ATP8A2: variants seen among roughly 807,000 people sequenced by gnomAD.
ATP8A2 encodes phospholipid-transporting ATPase IB.
A neutral mutation model predicts 165.6 loss-of-function variants in ATP8A2; 100 were observed. That is an observed-to-expected ratio of 0.60 (90% confidence interval 0.51 to 0.71). The LOEUF (loss-of-function observed/expected upper bound fraction) is 0.71. ATP8A2 is among the 30% of genes least tolerant of loss of function. The pLI is 0.00. For synonymous variants in ATP8A2, 543 were observed against 548.8 expected (o/e 0.99, Z 0.15); for missense variants, 1,227 against 1,479.5 (o/e 0.83, Z 2.80).
At position 26,015,276 on chromosome 13, in the gene ATP8A2, G is replaced by A. The variant is rs534726676; in HGVS notation, c.3469+2654G>A. 3.9e-5 allele frequency among the ~76,000 whole-genome samples: 6 copies of A among 152,176 alleles called. No individual in the cohort carries two copies. In the South Asian group the frequency reaches 1.2e-3, roughly 32 times the overall value. ...CACTAACAGCCAGAGAAGATCGTCGGGTGGTCAGAGCTGGTCCTGGGGTGC... is the reference window on the plus strand; with the variant it reads ...CACTAACAGCCAGAGAAGATCGTCGAGTGGTCAGAGCTGGTCCTGGGGTGC... On this transcript the variant is annotated intron_variant, in intron 36 of 36. Coordinates refer to ENST00000381655, the MANE Select transcript of ATP8A2 (RefSeq NM_016529.6).
intron 27 of ATP8A2, among the ~76,000 whole-genome samples, chr13:25,783,656 A>T (rs1403561396): frequency 6.6e-6 from 1 of 152,114 alleles, no homozygotes; most frequent in African/African-American, 2.4e-5. Context: ...GACCTGAAGG[A>T]TGAGTAGCAG....
At chr13:25,533,236 C>T in intron 5 of ATP8A2, 37 bp from the exon 6 acceptor site, 1 of 1,102,554 alleles carries the variant, frequency 9.1e-7, no homozygotes, top group Non-Finnish European at 1.4e-6. Context: ...CAATTTAACA[C>T]CAGTATTAAC....
chr13:25,664,716 C>T (rs1053442151), intron 24 of ATP8A2, among the ~76,000 whole-genome samples: 1 of 152,150 alleles, frequency 6.6e-6, no homozygotes, highest in African/African-American at 2.4e-5. Flanking sequence ...CAGAGAGAAG[C>T]AGAGGTATCA....
chr13:25,522,338 T>G (rs1370339185), intron 2 of ATP8A2, among the ~76,000 whole-genome samples: 1 of 152,170 alleles, frequency 6.6e-6, no homozygotes, highest in African/African-American at 2.4e-5. Flanking sequence ...CAACTTACAA[T>G]CATGTCCTTT....
intron 27 of ATP8A2, among the ~76,000 whole-genome samples, chr13:25,812,160 G>T (rs1950891372): frequency 6.6e-6 from 1 of 151,628 alleles, no homozygotes; most frequent in East Asian, 2.0e-4. Flanking sequence ...TCAGGTTTCA[G>T]TTTTCTCTGT....
chr13:25,986,784 C>T (rs960724023), intron 35 of ATP8A2, among the ~76,000 whole-genome samples: 1 of 152,132 alleles, frequency 6.6e-6, no homozygotes, highest in Admixed American at 6.5e-5. Flanking sequence ...GAGGAACCTC[C>T]ATACTGTTTT....
At chr13:25,627,197 C>T (rs114699387) in intron 24 of ATP8A2, among the ~76,000 whole-genome samples, 232 of 152,108 alleles carry the variant, frequency 1.5e-3, no homozygotes, top group African/African-American at 5.5e-3. Context: ...AATGCAAATC[C>T]GCCAAGGTGG....
chr13:26,017,517 G>A (rs541477591), intron 36 of ATP8A2, among the ~76,000 whole-genome samples: 6 of 152,322 alleles, frequency 3.9e-5, no homozygotes, highest in African/African-American at 1.4e-4. Context: ...TGTGCCACAC[G>A]GTGCCAGAGG....
chr13:25,502,786 A>G (rs1440446059), intron 2 of ATP8A2, among the ~76,000 whole-genome samples: 1 of 152,170 alleles, frequency 6.6e-6, no homozygotes, highest in African/African-American at 2.4e-5. Flanking sequence ...GCACGATGTC[A>G]TGGCCTGTGT....
At chr13:25,451,153 G>C (rs1442550687) in intron 1 of ATP8A2, among the ~76,000 whole-genome samples, 1 of 152,064 alleles carries the variant, frequency 6.6e-6, no homozygotes, top group Non-Finnish European at 1.5e-5. Flanking sequence ...TTCTTCTGGT[G>C]CTTCTTTTTG....
chr13:25,858,226 AC>A (rs1186612822), intron 30 of ATP8A2, among the ~76,000 whole-genome samples: 1 of 152,212 alleles, frequency 6.6e-6, no homozygotes, highest in African/African-American at 2.4e-5. Flanking sequence ...ATTTTGAGTA[AC>A]TATTTGCTAA....
intron 25 of ATP8A2, among the ~76,000 whole-genome samples, chr13:25,755,187 G>A (rs190353036): frequency 2.6e-5 from 4 of 152,290 alleles, no homozygotes; most frequent in Admixed American, 2.6e-4. Context: ...GTCAGGATGA[G>A]CTAAATGTAC....
intron 33 of ATP8A2, among the ~76,000 whole-genome samples, chr13:25,951,090 C>A (rs1955342959): frequency 6.6e-6 from 1 of 152,190 alleles, no homozygotes; most frequent in African/African-American, 2.4e-5. Flanking sequence ...AAGCTAATCA[C>A]ACTCTTCCTG....
At chr13:25,787,036 G>A (rs2045047146) in intron 27 of ATP8A2, among the ~76,000 whole-genome samples, 1 of 152,102 alleles carries the variant, frequency 6.6e-6, no homozygotes, top group South Asian at 2.1e-4. Context: ...ACCTGCCTTG[G>A]CCTCCCAAAG....
chr13:25,433,618 G>A (rs778416418), intron 1 of ATP8A2, among the ~76,000 whole-genome samples: 2 of 152,176 alleles, frequency 1.3e-5, no homozygotes, highest in African/African-American at 2.4e-5. Context: ...GGAAGTGAGT[G>A]CACATACTTC....
chr13:25,562,344 TATC>T (rs1363256072), intron 15 of ATP8A2, among the ~76,000 whole-genome samples: 1 of 152,222 alleles, frequency 6.6e-6, no homozygotes, highest in Non-Finnish European at 1.5e-5. Flanking sequence ...AGTGGTACCT[TATC>T]ATAGTTTTGA....
chr13:25,905,730 C>T lies in ATP8A2; in HGVS notation c.3183+43322C>T, dbSNP rs973620715. ...TTCTCCTCTGCCAGCTGACCTCTTG[C>T]CTTCTGATTCCCAGAAGGACAGGGC... On this transcript the variant is annotated intron_variant, in intron 33 of 36. Coordinates refer to ENST00000381655, the MANE Select transcript of ATP8A2 (RefSeq NM_016529.6). Among the ~76,000 whole-genome samples the T allele has an allele frequency of 2.0e-5, 3 of 152,202 alleles. No homozygotes were observed. In the East Asian group the frequency reaches 5.8e-4, roughly 29 times the overall value.
intron 24 of ATP8A2, among the ~76,000 whole-genome samples, chr13:25,595,878 G>C (rs1280734937): frequency 6.6e-6 from 1 of 152,106 alleles, no homozygotes; most frequent in East Asian, 1.9e-4. Flanking sequence ...AAGGTCAAGG[G>C]ATTTGGATTC....
chr13:25,846,222 G>A lies in ATP8A2; in HGVS notation c.2956+6598G>A, dbSNP rs116920892. On this transcript the variant is annotated intron_variant, in intron 30 of 36. Coordinates refer to ENST00000381655, the MANE Select transcript of ATP8A2 (RefSeq NM_016529.6). ...TTAAAGAATATGTTCTCTATGCCAGGCTCCTCCTGTGTTCTGGGGACACAG... is the reference window on the plus strand; with the variant it reads ...TTAAAGAATATGTTCTCTATGCCAGACTCCTCCTGTGTTCTGGGGACACAG... 7.3e-3 allele frequency among the ~76,000 whole-genome samples: 1,118 copies of A among 152,254 alleles called. 7 individuals are homozygous for A. Among genetic ancestry groups the A allele is most frequent in the Admixed American group, 0.012 (182 of 15,286 alleles).
Sources: allele counts gnomAD v4.1 joint callset (sites outside exome capture counted in the v4.1 genomes callset), GRCh38; gene constraint gnomAD v4.1.1; transcripts MANE v1.5; gene names NCBI Gene and HGNC (gene_info 2026-07-23, HGNC 2026-07-21).